Variants in GRID1 observed in about 807,000 individuals in gnomAD.
GRID1 encodes glutamate ionotropic receptor delta type subunit 1.
In GRID1, 28 loss-of-function variants were observed where a neutral mutation model predicts 98.0. That is an observed-to-expected ratio of 0.29 (90% CI 0.21 to 0.39). The LOEUF (loss-of-function observed/expected upper bound fraction) is 0.39. Among genes scored for constraint, GRID1 ranks in the 10% least tolerant of loss-of-function variants. The pLI, the probability that GRID1 is intolerant of heterozygous loss-of-function variation, is 1.00. For synonymous variants in GRID1, 553 were observed against 538.5 expected (o/e 1.03, Z -0.37); for missense variants, 1,111 against 1,340.5 (o/e 0.83, Z 2.67).
chr10:85,715,514 C>A (rs1841628515), intron 12 of GRID1, among the ~76,000 whole-genome samples: 1 of 151,964 alleles, frequency 6.6e-6, no homozygotes, highest in African/African-American at 2.4e-5. Context: ...ACTCACTAAC[C>A]ACAAAACAAA....
At chr10:85,615,242 G>T (rs1008116066) in intron 14 of GRID1, among the ~76,000 whole-genome samples, 1 of 152,206 alleles carries the variant, frequency 6.6e-6, no homozygotes, top group African/African-American at 2.4e-5. Context: ...CCTGATGGCT[G>T]GGAATGGCCT....
rs1329414686 is a variant in GRID1 at position 86,365,382 on chromosome 10, C to T, written c.79+932G>A. Among the ~76,000 whole-genome samples the T allele has an allele frequency of 6.6e-6, 1 of 151,734 alleles. No homozygotes were observed. The highest frequency in any genetic ancestry group is 2.4e-5 in the African/African-American group (1 of 41,276). On this transcript the variant is annotated intron_variant, in intron 1 of 15. Transcript: ENST00000327946. This position sits in a 1 kb window ranked among gnomAD's most constrained non-coding sequence, Gnocchi z 4.8. The stretch of plus-strand genomic sequence containing the variant: ...CCCCAAAGCGACCGCTGTCAGCCCC[C>T]CAACTCGGCCCAACTTCCCGAGATT...
intron 4 of GRID1, among the ~76,000 whole-genome samples, chr10:85,955,891 G>A (rs1375230366): frequency 1.3e-5 from 2 of 152,142 alleles, no homozygotes; most frequent in African/African-American, 2.4e-5. Flanking sequence ...CACCAGAGGG[G>A]AGCTGGCCAT....
intron 8 of GRID1, among the ~76,000 whole-genome samples, chr10:85,817,469 T>G (rs1348802815): frequency 1.3e-5 from 2 of 152,064 alleles, no homozygotes; most frequent in Non-Finnish European, 2.9e-5. Context: ...AAGGCTGCAG[T>G]GGGCCATATT....
intron 4 of GRID1, among the ~76,000 whole-genome samples, chr10:86,121,550 T>A: frequency 9.0e-6 from 1 of 111,672 alleles, no homozygotes; most frequent in African/African-American, 3.6e-5. Flanking sequence ...ATCACCATTA[T>A]CTCACCATCA....
chr10:85,841,955 C>A (rs909633786), intron 8 of GRID1, among the ~76,000 whole-genome samples: 1 of 152,114 alleles, frequency 6.6e-6, no homozygotes, highest in Non-Finnish European at 1.5e-5. Context: ...TACTATTCAA[C>A]CCAGTAATCC....
chr10:85,826,053 G>T (rs181542917), intron 8 of GRID1, among the ~76,000 whole-genome samples: 4 of 152,138 alleles, frequency 2.6e-5, no homozygotes, highest in Admixed American at 1.3e-4. Flanking sequence ...CAGGCTAGGC[G>T]CGTTGGCTCA....
At chr10:86,004,768 C>T (rs1230284586) in intron 4 of GRID1, among the ~76,000 whole-genome samples, 1 of 84,494 alleles carries the variant, frequency 1.2e-5, no homozygotes, top group Non-Finnish European at 2.5e-5. Flanking sequence ...AGACTTGATT[C>T]TGTTTCTCTG....
chr10:86,160,398 G>A (rs1015342296), intron 3 of GRID1, among the ~76,000 whole-genome samples: 4 of 152,180 alleles, frequency 2.6e-5, no homozygotes, highest in South Asian at 4.2e-4. Context: ...AGCTAGCATC[G>A]CCACTCTGGA....
At chr10:86,051,307 C>A (rs79343438) in intron 4 of GRID1, among the ~76,000 whole-genome samples, 2 of 129,520 alleles carry the variant, frequency 1.5e-5, no homozygotes, top group African/African-American at 3.0e-5. Flanking sequence ...TAATTATATA[C>A]CAAAAAAAAA....
chr10:85,803,751 T>C (rs1219026120), intron 8 of GRID1, among the ~76,000 whole-genome samples: 1 of 152,082 alleles, frequency 6.6e-6, no homozygotes, highest in Non-Finnish European at 1.5e-5. Context: ...TTACATCAGA[T>C]GTTTTGATAC....
intron 2 of GRID1, among the ~76,000 whole-genome samples, chr10:86,211,707 TA>T (rs11404615): frequency 3.8e-4 from 56 of 146,850 alleles, no homozygotes; most frequent in Middle Eastern, 7.0e-3. Flanking sequence ...TTTCCCTGGT[TA>T]AAAAAAAAAA....
chr10:86,129,662 G>T (rs1320781992), intron 4 of GRID1, among the ~76,000 whole-genome samples: 1 of 152,188 alleles, frequency 6.6e-6, no homozygotes, highest in African/African-American at 2.4e-5. Context: ...AGAGTGAGAA[G>T]GCACATGGCC....
At chr10:85,957,777 T>C (rs954540666) in intron 4 of GRID1, among the ~76,000 whole-genome samples, 1 of 152,096 alleles carries the variant, frequency 6.6e-6, no homozygotes, top group Non-Finnish European at 1.5e-5. Context: ...CATTCCCAGG[T>C]AACTCTTCCC....
intron 4 of GRID1, among the ~76,000 whole-genome samples, chr10:86,068,869 C>T (rs1425115761): frequency 1.3e-5 from 2 of 151,970 alleles, no homozygotes. Context: ...AGGCAGCATG[C>T]GTGATCAGGA....
chr10:86,209,883 G>A (rs1846082883), intron 2 of GRID1, among the ~76,000 whole-genome samples: 1 of 152,160 alleles, frequency 6.6e-6, no homozygotes. Flanking sequence ...TGAAGTGGCA[G>A]AACCTCTCTG....
chr10:86,300,919 T>C (rs1847676244), intron 2 of GRID1, among the ~76,000 whole-genome samples: 1 of 151,990 alleles, frequency 6.6e-6, no homozygotes, highest in Non-Finnish European at 1.5e-5. Flanking sequence ...TCCTGGGGAA[T>C]GGGAAGGGCA....
chr10:85,945,902 T>G (rs1842047993), intron 4 of GRID1, among the ~76,000 whole-genome samples: 1 of 152,214 alleles, frequency 6.6e-6, no homozygotes, highest in Non-Finnish European at 1.5e-5. Context: ...TGGAAATATT[T>G]CCGACCATTC....
intron 3 of GRID1, among the ~76,000 whole-genome samples, chr10:86,154,524 A>G (rs1160027740): frequency 1.3e-5 from 2 of 152,048 alleles, no homozygotes; most frequent in Admixed American, 1.3e-4. Flanking sequence ...ACCAACCTCC[A>G]TATCCAAGGG....
Sources: allele counts gnomAD v4.1 joint callset (sites outside exome capture counted in the v4.1 genomes callset), GRCh38; gene constraint gnomAD v4.1.1; non-coding constraint Gnocchi (gnomAD v3.1); transcripts MANE v1.5; gene names NCBI Gene and HGNC (gene_info 2026-07-23, HGNC 2026-07-21).